Variants in TNKS observed in about 807,000 individuals in gnomAD.
TNKS encodes poly [ADP-ribose] polymerase tankyrase-1.
In TNKS, 72 loss-of-function variants were observed where a neutral mutation model predicts 135.8. The ratio of observed to expected loss-of-function variants is 0.53; its 90% CI spans 0.44 to 0.64. TNKS has a LOEUF of 0.64. TNKS is among the 30% of genes least tolerant of loss of function. The pLI is 0.00. For synonymous variants in TNKS, 849 were observed against 649.3 expected (o/e 1.31, Z -4.68); for missense variants, 1,769 against 1,674.0 (o/e 1.06, Z -0.99).
chr8:9,640,829 C>T (rs1273811353), intron 3 of TNKS, among the ~76,000 whole-genome samples: 1 of 145,872 alleles, frequency 6.9e-6, no homozygotes, highest in African/African-American at 2.5e-5. Context: ...ACAATTTTAT[C>T]TAAGCACAGA....
At chr8:9,763,347 C>T in intron 22 of TNKS, 103 bp downstream of exon 22, 1 of 659,928 alleles carries the variant, frequency 1.5e-6, no homozygotes, top group East Asian at 2.9e-5. Context: ...GGTCACATGC[C>T]TATTAATCAG....
chr8:9,660,345 A>G (rs1585292650), intron 3 of TNKS, among the ~76,000 whole-genome samples: 12 of 152,332 alleles, frequency 7.9e-5, no homozygotes, highest in Admixed American at 7.2e-4. Flanking sequence ...TCAATAAAAT[A>G]CTGGCAAACC....
intron 3 of TNKS, among the ~76,000 whole-genome samples, chr8:9,632,159 T>A (rs1004543537): frequency 6.6e-6 from 1 of 152,236 alleles, no homozygotes; most frequent in Non-Finnish European, 1.5e-5. Flanking sequence ...TTCTGTTTAA[T>A]TCAAATTCAA....
intron 2 of TNKS, among the ~76,000 whole-genome samples, chr8:9,599,716 TG>T (rs1798938167): frequency 6.6e-6 from 1 of 152,104 alleles, no homozygotes; most frequent in Admixed American, 6.6e-5. Context: ...AAAATTGATC[TG>T]GGATATAAAA....
intron 3 of TNKS, among the ~76,000 whole-genome samples, chr8:9,638,870 A>G (rs538032909): frequency 3.3e-4 from 51 of 152,276 alleles, no homozygotes; most frequent in African/African-American, 7.9e-4. Flanking sequence ...GTGTATATCT[A>G]TTTTTCAAAT....
intron 20 of TNKS, among the ~76,000 whole-genome samples, chr8:9,756,433 T>C (rs1368824698): frequency 2.0e-5 from 3 of 151,980 alleles, no homozygotes; most frequent in African/African-American, 4.8e-5. Context: ...TGGATAATCT[T>C]TATTCTTAGT....
chr8:9,590,604 G>A (rs1465147424), intron 2 of TNKS, among the ~76,000 whole-genome samples: 5 of 152,070 alleles, frequency 3.3e-5, no homozygotes, highest in Non-Finnish European at 5.9e-5. Context: ...TGCTTGCTCC[G>A]AGTAAAATGC....
chr8:9,673,812 A>T (rs776310182), intron 3 of TNKS, among the ~76,000 whole-genome samples: 4 of 152,290 alleles, frequency 2.6e-5, no homozygotes, highest in Non-Finnish European at 5.9e-5. Context: ...AGAATTGGAA[A>T]GCTTCTCAAA....
At chr8:9,700,060 G>T (rs1204749565) in intron 5 of TNKS, among the ~76,000 whole-genome samples, 1 of 152,084 alleles carries the variant, frequency 6.6e-6, no homozygotes, top group Non-Finnish European at 1.5e-5. Flanking sequence ...CGTTTCTTCT[G>T]AGAATCTTCC....
At chr8:9,755,722 G>A (rs1163723324) in intron 20 of TNKS, among the ~76,000 whole-genome samples, 1 of 152,154 alleles carries the variant, frequency 6.6e-6, no homozygotes, top group Non-Finnish European at 1.5e-5. Context: ...TTAAGCCAGG[G>A]GAGCCGTTGT....
At chr8:9,701,064 G>C (rs1181419674) in intron 5 of TNKS, among the ~76,000 whole-genome samples, 1 of 151,340 alleles carries the variant, frequency 6.6e-6, no homozygotes, top group Non-Finnish European at 1.5e-5. Context: ...CTCCCAAGTC[G>C]CTGGGACTAC....
intron 2 of TNKS, among the ~76,000 whole-genome samples, chr8:9,588,428 C>G (rs1003781392): frequency 1.3e-5 from 2 of 152,122 alleles, no homozygotes; most frequent in Admixed American, 1.3e-4. Flanking sequence ...GCACCCGCCA[C>G]CACGCCCAGC....
At chr8:9,776,362 G>C (rs1281059558) in intron 26 of TNKS, among the ~76,000 whole-genome samples, 1 of 152,154 alleles carries the variant, frequency 6.6e-6, no homozygotes, top group East Asian at 1.9e-4. Context: ...GCTACCTCGG[G>C]CCTTAGTTTC....
At position 9,752,580 on chromosome 8, in the gene TNKS, A is replaced by C. The variant is rs759273752; in HGVS notation, c.3107A>C (p.Lys1036Thr). ...GLDMNISQFL[K>T]SLGLEHLRDI... ...GACATGAATATCAGCCAATTTCTAA[A>C]AAGCCTTGGCCTTGAACACCTTCGG... The change falls in exon 20 of 27, where the codon AAA (lysine) becomes ACA (threonine). Residue 1036 changes from lysine (K) to threonine (T), a missense_variant. Coordinates refer to ENST00000310430, the MANE Select transcript of TNKS (RefSeq NM_003747.3). The C allele has an allele frequency of 5.6e-6, 9 of 1,613,332 alleles. No homozygotes were observed. The African/African-American group carries it at 1.1e-4, about 19-fold the overall frequency.
chr8:9,604,102 C>G (rs1042473180), intron 2 of TNKS, among the ~76,000 whole-genome samples: 1 of 152,112 alleles, frequency 6.6e-6, no homozygotes, highest in Non-Finnish European at 1.5e-5. Flanking sequence ...TTTTGTTTCT[C>G]TGATTTGGCT....
chr8:9,698,275 A>C (rs1017311048), intron 5 of TNKS, among the ~76,000 whole-genome samples: 3 of 151,808 alleles, frequency 2.0e-5, no homozygotes, highest in Admixed American at 2.0e-4. Flanking sequence ...GTTCAAGAAC[A>C]AACTACCTAT....
chr8:9,718,441 C>T (rs1266126405), intron 11 of TNKS, among the ~76,000 whole-genome samples: 2 of 152,186 alleles, frequency 1.3e-5, no homozygotes, highest in Non-Finnish European at 2.9e-5. Flanking sequence ...GCTGTTCACA[C>T]TGAGTAGAAT....
At chr8:9,703,084 C>G (rs1803888005) in intron 5 of TNKS, among the ~76,000 whole-genome samples, 1 of 151,994 alleles carries the variant, frequency 6.6e-6, no homozygotes, top group African/African-American at 2.4e-5. Context: ...AGTAGTTTTC[C>G]CTTATCCTCG....
intron 5 of TNKS, among the ~76,000 whole-genome samples, chr8:9,697,159 C>G (rs1803556211): frequency 6.6e-6 from 1 of 152,114 alleles, no homozygotes; most frequent in Non-Finnish European, 1.5e-5. Flanking sequence ...TACCTATAAT[C>G]ATCTGATCTT....
Sources: gnomAD v4.1 joint callset for allele counts (sites outside exome capture counted in the v4.1 genomes callset) on GRCh38, gnomAD v4.1.1 for gene constraint, MANE v1.5 for transcripts, NCBI Gene and HGNC (gene_info 2026-07-23, HGNC 2026-07-21) for gene names.